The following TCIRG1 variants were observed in gnomAD, a reference collection of about 807,000 sequenced individuals.
The protein encoded by TCIRG1 is T cell immune regulator 1, ATPase H+ transporting V0 subunit a3.
Under a neutral mutation model 95.5 loss-of-function variants are expected in TCIRG1, and 86 were observed. The observed-to-expected ratio is 0.90, with a 90% CI of 0.76 to 1.08. TCIRG1 has a LOEUF of 1.08. Ranked by LOEUF, TCIRG1 falls within the 50% of genes least tolerant of loss-of-function variation. The probability of loss-of-function intolerance (pLI) is 0.00; values close to 1 mark genes in which losing one functional copy is unlikely to be tolerated. For missense variants in TCIRG1, 1,069 were observed against 1,140.2 expected, an observed-to-expected ratio of 0.94 and a Z score of 0.90; for synonymous variants, 499 against 501.3, an observed-to-expected ratio of 1.00 and a Z score of 0.06.
At position 68,044,228 on chromosome 11, in the gene TCIRG1, G is replaced by T. The variant is rs540235063; in HGVS notation, c.904G>T (p.Val302Leu). The change falls in exon 9 of 20, where the codon GTG (valine) becomes TTG (leucine). Residue 302 changes from valine to leucine, a missense_variant. Transcript: ENST00000265686. ...GGTGCAGGTCCACAAGATGAAGGCC[G>T]TGTACCTGGCCCTGAACCAGTGCAG... is the stretch of plus-strand genomic sequence containing the variant. ...GQVQVHKMKA[V>L]YLALNQCSVS... The T allele has an allele frequency of 2.5e-6, 4 of 1,588,328 alleles. No individual in the cohort carries two copies. Among genetic ancestry groups the T allele is most frequent in the Non-Finnish European group, 3.4e-6 (4 of 1,169,134 alleles).
intron 10 of TCIRG1, chr11:68,046,840 A>T: frequency 2.2e-6 from 1 of 455,852 alleles, no homozygotes; most frequent in Non-Finnish European, 4.4e-6. Context: ...TGGGAACAGC[A>T]ACAGCTGAAG....
intron 1 of TCIRG1, among the ~76,000 whole-genome samples, chr11:68,041,048 C>T (rs938890161): frequency 5.9e-5 from 9 of 152,168 alleles, no homozygotes; most frequent in Non-Finnish European, 1.2e-4. Context: ...AGCTTGAGGT[C>T]GGCCTGAGGG....
intron 1 of TCIRG1, among the ~76,000 whole-genome samples, chr11:68,041,067 G>A (rs1222127805): frequency 1.3e-5 from 2 of 152,162 alleles, no homozygotes; most frequent in African/African-American, 4.8e-5. Context: ...GGTGGGCTTC[G>A]GGGTCTCCCA....
intron 3 of TCIRG1, 82 bp from the exon 4 acceptor site, chr11:68,042,561 G>A (rs919597678): frequency 1.1e-4 from 128 of 1,161,046 alleles, no homozygotes; most frequent in Non-Finnish European, 3.5e-5. Flanking sequence ...GCTGGTGGCC[G>A]ATGGAGTTTG....
chr11:68,053,713 T>C, downstream of TCIRG1: 1 of 349,546 alleles, frequency 2.9e-6, no homozygotes, highest in South Asian at 6.2e-5. Context: ...AAATATGAAA[T>C]GCCTTCTCTA....
At chr11:68,041,466 C>A in intron 2 of TCIRG1, 78 bp downstream of exon 2, 9 of 1,092,728 alleles carry the variant, frequency 8.2e-6, no homozygotes, top group East Asian at 4.7e-5. Flanking sequence ...GGGGACTGCC[C>A]CCCCTCCGCC....
chr11:68,044,693 C>T, intron 9 of TCIRG1: 1 of 594,638 alleles, frequency 1.7e-6, no homozygotes, highest in Non-Finnish European at 3.0e-6. Flanking sequence ...ACAGCAGGTG[C>T]TTGCGGGTGA....
intron 13 of TCIRG1, 123 bp from the exon 14 acceptor site, chr11:68,048,750 GGGTGAT>G (rs1176753976): frequency 1.2e-6 from 1 of 804,398 alleles, no homozygotes; most frequent in Non-Finnish European, 2.2e-6. Context: ...CTCGGTGGGT[GGGTGAT>G]GGATGAGGCT....
At chr11:68,049,485 C>A in intron 15 of TCIRG1, 178 bp from the exon 16 acceptor site, 1 of 1,023,578 alleles carries the variant, frequency 9.8e-7, no homozygotes, top group Non-Finnish European at 1.4e-6. Context: ...AACCGGGGGT[C>A]CCTTCCCTCA....
rs1858870183 is a variant in TCIRG1 at position 68,049,167 on chromosome 11, T to C, written c.1760T>C (p.Leu587Pro). ...GGACTCTTCGGTTACCTCGTGTTCC[T>C]AGTCATCTACAAGTGGCTGTGTGTC... ...LLGLFGYLVF[L>P]VIYKWLCVWA... Residue 587 changes from leucine (L) to proline (P), a missense_variant, in exon 15 of 20, where the codon CTA becomes CCA. Leu to Pro is a moderately conservative substitution (Grantham distance 98). Transcript: ENST00000265686. The C allele has an allele frequency of 6.2e-7, 1 of 1,613,906 alleles. No homozygotes were observed. Among genetic ancestry groups the C allele is most frequent in the Non-Finnish European group, 8.5e-7 (1 of 1,180,016 alleles).
At position 68,042,834 on chromosome 11, in the gene TCIRG1, G is replaced by A. The variant is rs935429358; in HGVS notation, c.388G>A (p.Ala130Thr). 37 of 1,548,706 alleles carry A rather than the reference G, an allele frequency of 2.4e-5. No homozygotes were observed. The highest frequency in any genetic ancestry group is 3.6e-5 in the South Asian group (3 of 83,990). Residue 130 changes from alanine (A) to threonine (T), a missense_variant, in exon 4 of 20, where the codon GCC (alanine) becomes ACC (threonine). Transcript: ENST00000265686. ...AQLHQLQLHA[A>T]VLRQGHEPQL... is the part of the protein sequence containing the mutation. ...GCTGCACCAGCTGCAGCTCCACGCC[G>A]CCGTGCTACGCCAGGGCCATGAACC...
At chr11:68,048,554 G>A (rs889382118) in intron 13 of TCIRG1, among the ~76,000 whole-genome samples, 11 of 152,148 alleles carry the variant, frequency 7.2e-5, no homozygotes, top group Admixed American at 1.3e-4. Context: ...TCAGCCTCTC[G>A]AAGTGCTGGG....
At chr11:68,052,872 T>G (rs1855845203), downstream of TCIRG1, 1 of 152,276 alleles carries the variant, frequency 6.6e-6, no homozygotes. Flanking sequence ...GGTTTTTATT[T>G]TTTTATTTGT....
chr11:68,046,026 C>T (rs556262393), intron 10 of TCIRG1, among the ~76,000 whole-genome samples: 4 of 152,330 alleles, frequency 2.6e-5, no homozygotes, highest in East Asian at 1.9e-4. Context: ...TTCCCCTGCA[C>T]GTGGGCAGAG....
In TCIRG1 at chr11:68,048,030, G is replaced by A; in HGVS notation, c.1554+58G>A. On this transcript the variant is annotated intron_variant, in intron 13 of 19. Transcript: ENST00000265686. ...GAAGGCAGCTGGGAGTGGGGGCTGG[G>A]GCTCCCCTCGGTTCAGCCGTCCTGC... 8.2e-6 allele frequency: 12 copies of A among 1,457,450 alleles called. No individual in the cohort carries two copies. The South Asian group carries it at 9.1e-5, about 11-fold the overall frequency. 90.3% of individuals were successfully genotyped at this position (1,457,450 alleles called of 1,614,324 possible). A position where few individuals can be genotyped will look rare whatever the true frequency, so the allele number is the denominator to read the frequency against.
chr11:68,050,120 C>T lies in TCIRG1; in HGVS notation c.2119-17C>T. 7 of 1,612,664 alleles carry T rather than the reference C, an allele frequency of 4.3e-6. No homozygotes were observed. The highest frequency in any genetic ancestry group is 2.2e-5 in the South Asian group (2 of 91,074). On this transcript the variant is annotated splice_polypyrimidine_tract_variant and intron_variant, in intron 17 of 19. Coordinates refer to ENST00000265686, the MANE Select transcript of TCIRG1 (RefSeq NM_006019.4). ...ACGGCTGAGGCCCTGCCGGCCCTCA[C>T]TGCACCCGCCCCGCAGCTCGTCCCC... is the stretch of plus-strand genomic sequence containing the variant.
chr11:68,046,816 T>A, intron 10 of TCIRG1: 1 of 454,058 alleles, frequency 2.2e-6, no homozygotes, highest in Non-Finnish European at 4.4e-6. Context: ...CTCTCTGGCT[T>A]CTGTGTGGAG....
chr11:68,044,559 G>A (rs1296782896), intron 9 of TCIRG1, among the ~76,000 whole-genome samples: 1 of 152,192 alleles, frequency 6.6e-6, no homozygotes. Flanking sequence ...GTCCCTGGAG[G>A]CTGCACAGGA....
Position 68,049,615 on chromosome 11 carries a change from C to T in TCIRG1, c.1888-48C>T, listed in dbSNP as rs781594845. The T allele has an allele frequency of 2.5e-6, 4 of 1,586,500 alleles. No individual in the cohort carries two copies. The South Asian group carries it at 4.5e-5, about 18-fold the overall frequency. On this transcript the variant is annotated intron_variant, in intron 15 of 19. Transcript: ENST00000265686. ...GACTGCTGTGACTCAGGTTCCTTTG[C>T]AGGTGTGCACAGCAGGGACGCCCTG...
Sources: allele counts gnomAD v4.1 joint callset (sites outside exome capture counted in the v4.1 genomes callset), GRCh38; gene constraint gnomAD v4.1.1; transcripts MANE v1.5; gene names NCBI Gene and HGNC (gene_info 2026-07-23, HGNC 2026-07-21).